Variants in LMF1 observed in about 807,000 individuals in gnomAD.
The protein encoded by LMF1 is transmembrane protein 112.
LMF1 carries 68 observed loss-of-function variants against 60.6 expected under a neutral mutation model. That is an observed-to-expected ratio of 1.12 (90% CI 0.92 to 1.37). LMF1 has a LOEUF of 1.37. Ranked by LOEUF, LMF1 falls within the 40% of genes most tolerant of loss-of-function variation. The pLI is 0.00. For missense variants in LMF1, 948 were observed against 767.2 expected (o/e 1.24, Z -2.78); for synonymous variants, 418 against 324.7 (o/e 1.29, Z -3.09).
In LMF1 at chr16:948,927, C is replaced by G. The variant is rs652828; in HGVS notation, c.503+5430G>C. 4.3e-4 allele frequency among the ~76,000 whole-genome samples: 32 copies of G among 74,100 alleles called. 1 individual carries two copies. Among genetic ancestry groups the G allele is most frequent in the African/African-American group, 2.5e-3 (26 of 10,222 alleles). 48.6% of individuals were successfully genotyped at this position (74,100 alleles called of 152,430 possible). On this transcript the variant is annotated intron_variant, in intron 2 of 10. Transcript: ENST00000262301. ...GTCAGCCAACGACAGAGTCAGCCAA[C>G]GACAGAGTCAGAGCCAAGGACAGAG... is the stretch of plus-strand genomic sequence containing the variant.
chr16:931,568 G>T, intron 3 of LMF1: 1 of 1,217,334 alleles, frequency 8.2e-7, no homozygotes, highest in Non-Finnish European at 1.1e-6. Context: ...CTCCCCAGAG[G>T]TCTCAGATCA....
intron 3 of LMF1, among the ~76,000 whole-genome samples, chr16:919,579 G>A (rs1426292895): frequency 6.6e-6 from 1 of 152,228 alleles, no homozygotes; most frequent in Non-Finnish European, 1.5e-5. Flanking sequence ...GACAGTGTGC[G>A]CCCTCAGAGG....
At chr16:887,607 C>T (rs1263903787) in intron 5 of LMF1, among the ~76,000 whole-genome samples, 8 of 152,168 alleles carry the variant, frequency 5.3e-5, no homozygotes, top group South Asian at 2.1e-4. Context: ...CTGGAGGCCC[C>T]GCAGAACTCT....
At chr16:975,171 G>A (rs1411735938), upstream of LMF1, among the ~76,000 whole-genome samples, 3 of 152,132 alleles carry the variant, frequency 2.0e-5, no homozygotes, top group East Asian at 3.9e-4. Flanking sequence ...TACAGGTCAC[G>A]AGTGTTCCCA....
intron 2 of LMF1, among the ~76,000 whole-genome samples, chr16:948,178 C>A (rs1456377698): frequency 7.6e-6 from 1 of 130,784 alleles, no homozygotes; most frequent in Non-Finnish European, 1.6e-5. Context: ...AGTCAGCCAA[C>A]GACAGAGTCA....
intron 4 of LMF1, among the ~76,000 whole-genome samples, chr16:909,160 G>A (rs2071041655): frequency 6.6e-6 from 1 of 152,180 alleles, no homozygotes; most frequent in Non-Finnish European, 1.5e-5. Flanking sequence ...CTCAAGAAAT[G>A]GCCAGTTCAC....
intron 3 of LMF1, among the ~76,000 whole-genome samples, chr16:913,275 A>G (rs2071173453): frequency 6.6e-6 from 1 of 152,142 alleles, no homozygotes; most frequent in Non-Finnish European, 1.5e-5. Flanking sequence ...CCCTGTGAGG[A>G]GCCTGACGCG....
At chr16:857,011 G>A (rs1461147741) in intron 10 of LMF1, among the ~76,000 whole-genome samples, 2 of 152,270 alleles carry the variant, frequency 1.3e-5, no homozygotes, top group African/African-American at 4.8e-5. Context: ...ATGATTTCAA[G>A]AATGAGTGGA....
At chr16:971,785 G>A (rs532310441), upstream of LMF1, among the ~76,000 whole-genome samples, 45 of 152,364 alleles carry the variant, frequency 3.0e-4, 2 homozygotes, top group South Asian at 8.9e-3. Context: ...AAGGGCGTGA[G>A]GCTAGAGTAG....
intron 1 of LMF1, chr16:968,731 A>C (rs976189668): frequency 1.3e-5 from 2 of 152,240 alleles, no homozygotes; most frequent in Non-Finnish European, 2.9e-5. Context: ...ACCAGGCTTA[A>C]AATATCCGCT....
intron 4 of LMF1, among the ~76,000 whole-genome samples, chr16:906,065 A>AG (rs777737303): frequency 4.6e-5 from 7 of 152,232 alleles, no homozygotes; most frequent in Non-Finnish European, 7.4e-5. Context: ...GTGGTGACGG[A>AG]GGGGGGTTCA....
intron 5 of LMF1, among the ~76,000 whole-genome samples, chr16:891,755 T>TGAGGGCGCTGGACC (rs1188812660): frequency 6.6e-6 from 1 of 152,236 alleles, no homozygotes; most frequent in African/African-American, 2.4e-5. Flanking sequence ...TGACCTGGGC[T>TGAGGGCGCTGGACC]GAGGGCGCTG....
intron 1 of LMF1, among the ~76,000 whole-genome samples, chr16:977,935 ATCATACACACG>A (rs2073202193): frequency 7.0e-6 from 1 of 143,618 alleles, no homozygotes. Flanking sequence ...ACACACATAC[ATCATACACACG>A]CACACACACC....
intron 4 of LMF1, among the ~76,000 whole-genome samples, chr16:910,518 G>A (rs1032232445): frequency 1.3e-5 from 2 of 152,182 alleles, no homozygotes; most frequent in Admixed American, 1.3e-4. Flanking sequence ...CCTTGAATAT[G>A]TCTGCCAACG....
At chr16:921,739 C>T (rs976555803) in intron 3 of LMF1, among the ~76,000 whole-genome samples, 2 of 152,076 alleles carry the variant, frequency 1.3e-5, no homozygotes, top group Non-Finnish European at 2.9e-5. Context: ...GACGCAGGGA[C>T]GGGGGACACG....
At chr16:923,411 T>TA (rs2071499538) in intron 3 of LMF1, among the ~76,000 whole-genome samples, 1 of 152,070 alleles carries the variant, frequency 6.6e-6, no homozygotes, top group African/African-American at 2.4e-5. Context: ...ACCCCAGTAG[T>TA]AACGGGCACC....
chr16:915,724 G>A (rs983058742), intron 3 of LMF1, among the ~76,000 whole-genome samples: 3 of 152,360 alleles, frequency 2.0e-5, no homozygotes, highest in South Asian at 4.1e-4. Context: ...GGGGTTTTCC[G>A]GACGGAAGTC....
chr16:976,730 C>G, intron 1 of LMF1: 1 of 454,148 alleles, frequency 2.2e-6, no homozygotes, highest in Non-Finnish European at 4.4e-6. Context: ...GGACGCTGAG[C>G]AGCAGGAGCA....
chr16:900,304 C>T (rs2070773885), intron 4 of LMF1: 1 of 152,158 alleles, frequency 6.6e-6, no homozygotes, highest in Non-Finnish European at 1.5e-5. Context: ...ACATTTCAGC[C>T]GTTGCTTTTT....
Sources: gnomAD v4.1 joint callset for allele counts (sites outside exome capture counted in the v4.1 genomes callset) on GRCh38, gnomAD v4.1.1 for gene constraint, MANE v1.5 for transcripts, NCBI Gene and HGNC (gene_info 2026-07-23, HGNC 2026-07-21) for gene names.